The following TBC1D22A variants were observed in gnomAD, a reference collection of about 807,000 sequenced individuals.
TBC1D22A encodes putative GTPase activator.
Under a neutral mutation model 60.2 loss-of-function variants are expected in TBC1D22A, and 38 were observed. The ratio of observed to expected loss-of-function variants is 0.63; its 90% CI spans 0.49 to 0.83. The LOEUF (loss-of-function observed/expected upper bound fraction) is 0.83, where lower values mean the gene tolerates loss of function less well. TBC1D22A is among the 40% of genes least tolerant of loss of function. The probability of loss-of-function intolerance (pLI) is 0.00; values close to 1 mark genes in which losing one functional copy is unlikely to be tolerated. For synonymous variants in TBC1D22A, 302 were observed against 281.7 expected, an observed-to-expected ratio of 1.07 and a Z score of -0.72; for missense variants, 628 against 701.0, an observed-to-expected ratio of 0.90 and a Z score of 1.18.
intron 1 of TBC1D22A, among the ~76,000 whole-genome samples, chr22:46,784,461 T>G (rs10427936): frequency 0.016 from 2,499 of 152,338 alleles, 71 homozygotes; most frequent in African/African-American, 0.057. Flanking sequence ...GTAGTCTGCT[T>G]TTCTTTTTAG....
intron 9 of TBC1D22A, among the ~76,000 whole-genome samples, chr22:46,992,157 C>T (rs1569312156): frequency 6.6e-6 from 1 of 152,210 alleles, no homozygotes; most frequent in Non-Finnish European, 1.5e-5. Context: ...GAGCCACACT[C>T]GTGGCTGTGA....
At position 46,827,325 on chromosome 22, in the gene TBC1D22A, A is replaced by G. The variant is rs536399403; in HGVS notation, c.637+29705A>G. On this transcript the variant is annotated intron_variant, in intron 4 of 12. Transcript: ENST00000337137. ...AGTCGGCGTTCCTGAGCTCCCATGC[A>G]GCGAATGCATCACCTCGGGAGAAAA... 1.8e-4 allele frequency among the ~76,000 whole-genome samples: 27 copies of G among 152,312 alleles called. No individual in the cohort carries two copies. The South Asian group carries it at 4.4e-3, about 25-fold the overall frequency.
At chr22:46,919,976 G>C (rs1011242509) in intron 8 of TBC1D22A, among the ~76,000 whole-genome samples, 2 of 152,136 alleles carry the variant, frequency 1.3e-5, no homozygotes, top group South Asian at 4.1e-4. Context: ...TATGGCAACT[G>C]TTTAACCCCC....
intron 7 of TBC1D22A, among the ~76,000 whole-genome samples, chr22:46,902,131 C>G (rs1172693334): frequency 6.6e-6 from 1 of 152,194 alleles, no homozygotes; most frequent in Non-Finnish European, 1.5e-5. Context: ...TCAAGCCCCT[C>G]CTGGGAGCCT....
At chr22:46,902,991 G>A (rs763772336) in intron 7 of TBC1D22A, among the ~76,000 whole-genome samples, 45 of 152,356 alleles carry the variant, frequency 3.0e-4, no homozygotes, top group Non-Finnish European at 5.6e-4. Flanking sequence ...GAGGGGCAGC[G>A]TATGGGGCAG....
intron 11 of TBC1D22A, among the ~76,000 whole-genome samples, chr22:47,042,211 T>C (rs131887): frequency 0.64 from 97,801 of 152,118 alleles, 32,431 homozygotes; most frequent in East Asian, 0.92. Flanking sequence ...CAGGGCCCTG[T>C]TGAGGCACCG....
intron 11 of TBC1D22A, among the ~76,000 whole-genome samples, chr22:47,073,279 A>G (rs1439996282): frequency 2.0e-5 from 3 of 152,236 alleles, no homozygotes; most frequent in Non-Finnish European, 2.9e-5. Context: ...GTAGAAAGCA[A>G]CTATTGTTAT....
At chr22:46,946,503 A>T (rs192075087) in intron 8 of TBC1D22A, among the ~76,000 whole-genome samples, 1 of 152,232 alleles carries the variant, frequency 6.6e-6, no homozygotes, top group East Asian at 1.9e-4. Context: ...GGCCAGCCAG[A>T]TGGAGAGTAG....
In TBC1D22A at chr22:47,173,895, C is replaced by T; in HGVS notation, c.*269C>T. 2.4e-6 allele frequency: 1 copy of T among 415,216 alleles called. No individual in the cohort carries two copies. The highest frequency in any genetic ancestry group is 2.5e-5 in the South Asian group (1 of 40,164). The allele number at this position is 415,216 out of a possible 1,614,324, so 25.7% of individuals were successfully genotyped here. On this transcript the variant is annotated 3_prime_UTR_variant, in exon 13 of 13. Transcript: ENST00000337137. ...GGCAGGTCAGGGGTCCCCTCTCCCT[C>T]TCCCTGCAATGTCCTTGCCAAATGA...
At chr22:47,150,466 G>C (rs965846361) in intron 12 of TBC1D22A, among the ~76,000 whole-genome samples, 7 of 152,220 alleles carry the variant, frequency 4.6e-5, no homozygotes, top group African/African-American at 1.7e-4. Flanking sequence ...TCCCAGTTCC[G>C]TCTAGAACAG....
intron 4 of TBC1D22A, among the ~76,000 whole-genome samples, chr22:46,832,398 C>A (rs1473764476): frequency 6.6e-6 from 1 of 152,244 alleles, no homozygotes; most frequent in Non-Finnish European, 1.5e-5. Context: ...CGCCTGTAAT[C>A]CCAGCACTTT....
At chr22:46,909,851 C>T (rs915640042) in intron 7 of TBC1D22A, among the ~76,000 whole-genome samples, 5 of 152,194 alleles carry the variant, frequency 3.3e-5, no homozygotes, top group Non-Finnish European at 5.9e-5. Flanking sequence ...TTGCTTCACG[C>T]CCTAGGGGCT....
intron 12 of TBC1D22A, among the ~76,000 whole-genome samples, chr22:47,172,111 C>T (rs1231349385): frequency 6.7e-6 from 1 of 149,798 alleles, no homozygotes; most frequent in Admixed American, 6.7e-5. Context: ...TGTGTGCTCA[C>T]CCAGAGTGCC....
In TBC1D22A at chr22:47,028,662, A is replaced by G. The variant is rs1471745910; in HGVS notation, c.1202-8409A>G. On this transcript the variant is annotated intron_variant, in intron 10 of 12. Coordinates refer to ENST00000337137, the MANE Select transcript of TBC1D22A (RefSeq NM_014346.5). This position sits in a 1 kb window ranked among gnomAD's most constrained non-coding sequence, Gnocchi z 4.4. ...TGTGTCTTGGGTCTGACCTGTCTTC[A>G]GCCCCATCCTTGTGTTGAGCATGTG... is the stretch of plus-strand genomic sequence containing the variant. Among the ~76,000 whole-genome samples, 1 of 152,176 alleles carries G rather than the reference A, an allele frequency of 6.6e-6. No individual in the cohort carries two copies. Among genetic ancestry groups the G allele is most frequent in the Non-Finnish European group, 1.5e-5 (1 of 68,040 alleles).
intron 1 of TBC1D22A, among the ~76,000 whole-genome samples, chr22:46,775,456 C>T (rs758641064): frequency 2.0e-5 from 3 of 152,086 alleles, no homozygotes; most frequent in African/African-American, 4.8e-5. Flanking sequence ...GTTGCTTTCT[C>T]GGGGTGGAGG....
rs552686939 is a variant in TBC1D22A at position 46,803,103 on chromosome 22, G to A, written c.637+5483G>A. Among the ~76,000 whole-genome samples the A allele has an allele frequency of 2.6e-4, 39 of 151,730 alleles. No individual in the cohort carries two copies. The East Asian group carries it at 6.5e-3, about 25-fold the overall frequency. On this transcript the variant is annotated intron_variant, in intron 4 of 12. Transcript: ENST00000337137. ...GCTCCCATGGTTACAGCCACTGGGG[G>A]CCTTCACTCTGTGCTGGGCACTGTG...
At chr22:46,883,995 GA>G (rs1283561816) in intron 5 of TBC1D22A, among the ~76,000 whole-genome samples, 6 of 152,220 alleles carry the variant, frequency 3.9e-5, no homozygotes, top group Admixed American at 2.6e-4. Flanking sequence ...GGTCTGACAG[GA>G]TCTCTGCACG....
At position 47,038,998 on chromosome 22, in the gene TBC1D22A, G is replaced by A. The variant is rs376688031; in HGVS notation, c.1329+1800G>A. On this transcript the variant is annotated intron_variant, in intron 11 of 12. Coordinates refer to ENST00000337137, the MANE Select transcript of TBC1D22A (RefSeq NM_014346.5). ...GCTGTCCGTTTTTGTGATTGGTTAG[G>A]CTGTTTGAGACCCAGACCTCCCTCA... is the stretch of plus-strand genomic sequence containing the variant. 5.3e-5 allele frequency among the ~76,000 whole-genome samples: 8 copies of A among 152,176 alleles called. No individual in the cohort carries two copies. In the East Asian group the frequency reaches 5.8e-4, roughly 11 times the overall value.
chr22:46,960,568 C>T (rs765329425), intron 8 of TBC1D22A, among the ~76,000 whole-genome samples: 5 of 152,182 alleles, frequency 3.3e-5, no homozygotes, highest in African/African-American at 9.7e-5. Flanking sequence ...GGCCTCTTGG[C>T]GTCTTTTGGC....
Sources: gnomAD v4.1 joint callset for allele counts (sites outside exome capture counted in the v4.1 genomes callset) on GRCh38, gnomAD v4.1.1 for gene constraint, Gnocchi (gnomAD v3.1) non-coding constraint, MANE v1.5 for transcripts, NCBI Gene and HGNC (gene_info 2026-07-23, HGNC 2026-07-21) for gene names.